Variants in SGSM3 observed in about 807,000 individuals in gnomAD.
SGSM3 encodes the protein RUN and SH3 containing 3.
A neutral mutation model predicts 100.5 loss-of-function variants in SGSM3; 96 were observed. That is an observed-to-expected ratio of 0.96 (90% CI 0.81 to 1.13). The LOEUF (loss-of-function observed/expected upper bound fraction) is 1.13, where lower values mean the gene tolerates loss of function less well. SGSM3 is among the 50% of genes most tolerant of loss of function. The pLI, the probability that SGSM3 is intolerant of heterozygous loss-of-function variation, is 0.00. For synonymous variants in SGSM3, 483 were observed against 422.8 expected, an observed-to-expected ratio of 1.14 and a Z score of -1.75; for missense variants, 1,001 against 1,015.8, an observed-to-expected ratio of 0.99 and a Z score of 0.20.
chr22:40,403,455 C>G (rs560660407), intron 4 of SGSM3, among the ~76,000 whole-genome samples: 1 of 152,272 alleles, frequency 6.6e-6, no homozygotes, highest in South Asian at 2.1e-4. Context: ...GCATGGAGTT[C>G]TCATTTTAGT....
At chr22:40,401,978 G>C (rs1229889310) in intron 3 of SGSM3, among the ~76,000 whole-genome samples, 161 bp from the exon 4 acceptor site, 1 of 152,210 alleles carries the variant, frequency 6.6e-6, no homozygotes, top group Non-Finnish European at 1.5e-5. Flanking sequence ...GTTCAGAGAA[G>C]GTTGCGTGGT....
In SGSM3 at chr22:40,407,001, A is replaced by G; in HGVS notation, c.1186-16A>G. The G allele has an allele frequency of 6.4e-7, 1 of 1,562,232 alleles. No individual in the cohort carries two copies. The highest frequency in any genetic ancestry group is 1.7e-4 in the Middle Eastern group (1 of 5,790). On this transcript the variant is annotated splice_polypyrimidine_tract_variant and intron_variant, in intron 10 of 21. Transcript: ENST00000248929. This position sits in a 1 kb window ranked among gnomAD's most constrained non-coding sequence, Gnocchi z 4.7. ...CCCGGGGCCAGGACCACCCTGACCC[A>G]CTCCTCTTGGTGCAGGTTGTTCGCC...
chr22:40,410,257 T>C lies in SGSM3; in HGVS notation c.*498T>C. The stretch of plus-strand genomic sequence containing the variant: ...GGGACCCAGCTGTGCTACCCACCCC[T>C]TCCATGGACTGAATAAGATGGACTA... On this transcript the variant is annotated 3_prime_UTR_variant, in exon 22 of 22. Coordinates refer to ENST00000248929, the MANE Select transcript of SGSM3 (RefSeq NM_015705.6). 1.2e-6 allele frequency: 1 copy of C among 832,326 alleles called. No homozygotes were observed. The highest frequency in any genetic ancestry group is 1.5e-6 in the Non-Finnish European group (1 of 670,360). The allele number at this position is 832,326 out of a possible 1,614,324, so 51.6% of individuals were successfully genotyped here. A position where few individuals can be genotyped will look rare whatever the true frequency, so the allele number is the denominator to read the frequency against.
intron 1 of SGSM3, among the ~76,000 whole-genome samples, chr22:40,371,028 C>CG (rs2045338280): frequency 1.3e-5 from 2 of 152,194 alleles, no homozygotes; most frequent in African/African-American, 4.8e-5. Context: ...GCGCCTGAGG[C>CG]GGGGGGCTTT....
chr22:40,405,737 AC>A lies in SGSM3; in HGVS notation c.708del (p.Phe237SerfsTer39). On this transcript the variant is annotated frameshift_variant, in exon 8 of 22. Transcript: ENST00000248929. LOFTEE classifies it high-confidence loss of function. ...ATCGAGGACCTGCTCCCCGCCTCCT[AC>A]TTCAGCACCACCCTGCTGGGTGTCC... Reference protein sequence around the residue: ...AIIEDLLPASYFSTTLLGVQT... With the variant: ...AIIEDLLPASXFSTTLLGVQT... 1 of 1,613,740 alleles carries A rather than the reference AC, an allele frequency of 6.2e-7. No homozygotes were observed. The highest frequency in any genetic ancestry group is 8.5e-7 in the Non-Finnish European group (1 of 1,179,964).
chr22:40,398,892 C>T lies in SGSM3; in HGVS notation c.-111-1804C>T, dbSNP rs2050380179. ...CATTCTATCGAAAAGAAAACTGATA[C>T]AGACGTGAAGTAAACTTGCCCACGG... On this transcript the variant is annotated intron_variant, in intron 1 of 21. Transcript: ENST00000248929. Among the ~76,000 whole-genome samples the T allele has an allele frequency of 1.4e-5, 2 of 140,526 alleles. 1 individual carries two copies. The highest frequency in any genetic ancestry group is 1.7e-4 in the Admixed American group (2 of 12,054). The allele number at this position is 140,526 out of a possible 152,430, so 92.2% of individuals were successfully genotyped here. A position where few individuals can be genotyped will look rare whatever the true frequency, so the allele number is the denominator to read the frequency against.
chr22:40,396,573 A>T (rs1246898812), intron 1 of SGSM3, among the ~76,000 whole-genome samples: 1 of 146,850 alleles, frequency 6.8e-6, no homozygotes, highest in Non-Finnish European at 1.5e-5. Context: ...AGCCTGGGCG[A>T]CAGAGTGAGA....
rs745396761 is a variant in SGSM3 at position 40,405,199 on chromosome 22, G to A, written c.533G>A (p.Ser178Asn). Residue 178 changes from serine (S) to asparagine (N), a missense_variant, in exon 7 of 22, where the codon AGC becomes AAC. By Grantham distance (46) the Ser-to-Asn change is conservative (BLOSUM62 1). Transcript: ENST00000248929. ...AACGCCTGCTTCGCCAGCATGGGTA[G>A]CATCGGGGTGCCCCGCCTGCGCAGG... ...PSNACFASMG[S>N]IGVPRLRRVL... 6.3e-7 allele frequency: 1 copy of A among 1,586,300 alleles called. No homozygotes were observed. The highest frequency in any genetic ancestry group is 8.6e-7 in the Non-Finnish European group (1 of 1,165,340).
chr22:40,372,120 C>G (rs866595625), intron 1 of SGSM3, among the ~76,000 whole-genome samples: 11 of 120,232 alleles, frequency 9.1e-5, no homozygotes, highest in East Asian at 2.5e-4. Flanking sequence ...TGTCCCCCCC[C>G]CCTTTTTTTT....
At chr22:40,372,240 C>T (rs2045718714) in intron 1 of SGSM3, among the ~76,000 whole-genome samples, 1 of 151,020 alleles carries the variant, frequency 6.6e-6, no homozygotes, top group African/African-American at 2.4e-5. Context: ...CATTCTCCTG[C>T]CTCAGCCTCC....
At chr22:40,380,452 C>T (rs547749708) in intron 1 of SGSM3, among the ~76,000 whole-genome samples, 15 of 151,464 alleles carry the variant, frequency 9.9e-5, no homozygotes, top group Non-Finnish European at 1.5e-4. Context: ...CTGTAACCTC[C>T]GCCTCCCGGG....
At chr22:40,394,919 T>C (rs1053137056) in intron 1 of SGSM3, among the ~76,000 whole-genome samples, 10 of 152,208 alleles carry the variant, frequency 6.6e-5, no homozygotes, top group African/African-American at 2.4e-4. Context: ...TGTATTATTA[T>C]TCTGAAATTA....
intron 1 of SGSM3, among the ~76,000 whole-genome samples, chr22:40,393,006 A>G (rs186413858): frequency 6.6e-6 from 1 of 152,372 alleles, no homozygotes; most frequent in African/African-American, 2.4e-5. Flanking sequence ...TGTAGCACAT[A>G]TCAGTATTTC....
chr22:40,376,744 T>C (rs1412905623), intron 1 of SGSM3, among the ~76,000 whole-genome samples: 2 of 152,178 alleles, frequency 1.3e-5, no homozygotes, highest in Non-Finnish European at 2.9e-5. Context: ...AGTCTGACTC[T>C]AGAGTTTATG....
chr22:40,405,315 G>A, intron 7 of SGSM3, 31 bp downstream of exon 7: 3 of 1,447,488 alleles, frequency 2.1e-6, no homozygotes, highest in Non-Finnish European at 2.7e-6. Context: ...GGCAGTGGCA[G>A]CCCCAGGACC....
Position 40,398,672 on chromosome 22 carries a change from T to C in SGSM3, c.-111-2024T>C, listed in dbSNP as rs187628610. On this transcript the variant is annotated intron_variant, in intron 1 of 21. Transcript: ENST00000248929. ...ATGGATGAATATCGGCAATTTAATA[T>C]GGTTCAACATAGTTTTTAGTATACC... Among the ~76,000 whole-genome samples, 7 of 141,438 alleles carry C rather than the reference T, an allele frequency of 4.9e-5. 1 individual carries two copies. In the East Asian group the frequency reaches 1.5e-3, roughly 30 times the overall value. 92.8% of individuals were successfully genotyped at this position (141,438 alleles called of 152,430 possible).
chr22:40,408,336 C>G lies in SGSM3; in HGVS notation c.1689C>G (p.Thr563=), dbSNP rs575133734. Reference sequence around the variant, plus strand: ...GGGTCACAGACCTCGTGCGAGGGACCCTCTGCCCGGCCCTTAAGGCCCTGT... The same window carrying G: ...GGGTCACAGACCTCGTGCGAGGGACGCTCTGCCCGGCCCTTAAGGCCCTGT... ...TEGVTDLVRG[T]LCPALKALFE... Residue 563 remains threonine (T), a synonymous_variant, in exon 16 of 22, where the codon ACC becomes ACG. Transcript: ENST00000248929. 6.9e-4 allele frequency: 1,120 copies of G among 1,613,562 alleles called. 16 individuals are homozygous for G. In the South Asian group the frequency reaches 0.012, roughly 17 times the overall value.
intron 1 of SGSM3, among the ~76,000 whole-genome samples, chr22:40,396,429 T>TA (rs2050051332): frequency 6.6e-6 from 1 of 151,934 alleles, no homozygotes; most frequent in Admixed American, 6.5e-5. Flanking sequence ...CCAACTCTAC[T>TA]AAAAATACAA....
rs1046443131 is a variant in SGSM3, at chr22:40,370,653, C to G, written c.-147C>G. 1 of 152,394 alleles carries G rather than the reference C, an allele frequency of 6.6e-6. No individual in the cohort carries two copies. Among genetic ancestry groups the G allele is most frequent in the Non-Finnish European group, 1.5e-5 (1 of 68,142 alleles). The allele number at this position is 152,394 out of a possible 1,614,324, so 9.4% of individuals were successfully genotyped here. On this transcript the variant is annotated 5_prime_UTR_variant, in exon 1 of 22. Coordinates refer to ENST00000248929, the MANE Select transcript of SGSM3 (RefSeq NM_015705.6). Reference sequence around the variant, plus strand: ...GGTGCGAGTGGGGAAGCTGCTAACCCGACCCGGATTGGCGCTGAGGTGGCC... The same window carrying G: ...GGTGCGAGTGGGGAAGCTGCTAACCGGACCCGGATTGGCGCTGAGGTGGCC...
Sources: gnomAD v4.1 joint callset for allele counts (sites outside exome capture counted in the v4.1 genomes callset) on GRCh38, gnomAD v4.1.1 for gene constraint, Gnocchi (gnomAD v3.1) non-coding constraint, MANE v1.5 for transcripts, NCBI Gene and HGNC (gene_info 2026-07-23, HGNC 2026-07-21) for gene names.